The following PDE1A variants were observed in gnomAD, a reference collection of about 807,000 sequenced individuals.
PDE1A encodes dual specificity calcium/calmodulin-dependent 3',5'-cyclic nucleotide phosphodiesterase 1A.
A neutral mutation model predicts 61.7 loss-of-function variants in PDE1A; 35 were observed. That is an observed-to-expected ratio of 0.57 (90% CI 0.43 to 0.75). The LOEUF (loss-of-function observed/expected upper bound fraction) is 0.75. Among genes scored for constraint, PDE1A ranks in the 30% least tolerant of loss-of-function variants. PDE1A has a pLI of 0.00. For synonymous variants in PDE1A, 232 were observed against 213.2 expected (o/e 1.09, Z -0.77); for missense variants, 597 against 630.6 (o/e 0.95, Z 0.57).
intron 1 of PDE1A, among the ~76,000 whole-genome samples, chr2:182,411,273 A>G (rs753175847): frequency 3.4e-4 from 52 of 152,286 alleles, no homozygotes; most frequent in Non-Finnish European, 2.2e-4. Context: ...ATCACACAAT[A>G]TATTTTTTGT....
the PDE1A span, among the ~76,000 whole-genome samples, chr2:182,528,199 G>T: frequency 6.6e-6 from 1 of 152,192 alleles, no homozygotes; most frequent in Non-Finnish European, 1.5e-5. Flanking sequence ...TTGTTAAATG[G>T]CTTTGACCAA....
At chr2:182,175,085 A>G (rs917887506) in intron 13 of PDE1A, among the ~76,000 whole-genome samples, 1 of 152,002 alleles carries the variant, frequency 6.6e-6, no homozygotes, top group African/African-American at 2.4e-5. Flanking sequence ...CATCCTTTTT[A>G]ATGGCTGCAT....
intron 1 of PDE1A, among the ~76,000 whole-genome samples, chr2:182,368,309 A>G (rs554737909): frequency 1.2e-3 from 182 of 152,040 alleles, no homozygotes; most frequent in Admixed American, 2.6e-3. Context: ...ATATTTTCTC[A>G]GTTTCTTAAG....
chr2:182,169,364 C>A (rs1258279865), intron 13 of PDE1A, among the ~76,000 whole-genome samples: 2 of 151,870 alleles, frequency 1.3e-5, no homozygotes, highest in South Asian at 2.1e-4. Flanking sequence ...TATTTGCACA[C>A]AAATGTGGCA....
the PDE1A span, among the ~76,000 whole-genome samples, chr2:182,667,193 T>C: frequency 2.0e-5 from 3 of 152,230 alleles, no homozygotes; most frequent in Non-Finnish European, 2.9e-5. Flanking sequence ...AGCTTTTTAG[T>C]AGGCTGCTCA....
chr2:182,436,512 T>C (rs1432807521), intron 2 of PDE1A, among the ~76,000 whole-genome samples: 1 of 151,940 alleles, frequency 6.6e-6, no homozygotes, highest in Admixed American at 6.6e-5. Context: ...GGAAATCAAG[T>C]CTATCTTAGA....
At chr2:182,466,647 G>T (rs1312439990) in intron 2 of PDE1A, among the ~76,000 whole-genome samples, 1 of 151,988 alleles carries the variant, frequency 6.6e-6, no homozygotes, top group Non-Finnish European at 1.5e-5. Flanking sequence ...TAGACAGAGA[G>T]CTATGTACAC....
At chr2:182,491,341 T>A (rs995753269) in intron 2 of PDE1A, among the ~76,000 whole-genome samples, 2 of 152,192 alleles carry the variant, frequency 1.3e-5, no homozygotes, top group Non-Finnish European at 2.9e-5. Flanking sequence ...TTAGTGAGTA[T>A]GCAAGTGAGG....
chr2:182,520,633 A>T (rs1033368271), intron 2 of PDE1A, among the ~76,000 whole-genome samples: 1 of 151,944 alleles, frequency 6.6e-6, no homozygotes, highest in Non-Finnish European at 1.5e-5. Flanking sequence ...TCACTTTTCA[A>T]ATTTCTTAAA....
intron 2 of PDE1A, among the ~76,000 whole-genome samples, chr2:182,506,830 G>A (rs536651220): frequency 2.2e-4 from 33 of 152,300 alleles, no homozygotes; most frequent in African/African-American, 7.0e-4. Context: ...GGCCTTTCTA[G>A]TGCCTGTTGC....
intron 1 of PDE1A, among the ~76,000 whole-genome samples, chr2:182,370,071 G>A (rs1247280176): frequency 6.6e-6 from 1 of 152,026 alleles, no homozygotes; most frequent in Non-Finnish European, 1.5e-5. Context: ...TAGCTACTCG[G>A]GAGGCTGAGG....
intron 11 of PDE1A, among the ~76,000 whole-genome samples, chr2:182,187,421 C>T (rs753980308): frequency 6.6e-6 from 1 of 152,130 alleles, no homozygotes; most frequent in African/African-American, 2.4e-5. Flanking sequence ...CCCAGGACTG[C>T]TGTGGGTGCC....
intron 1 of PDE1A, among the ~76,000 whole-genome samples, chr2:182,365,088 C>T (rs1395532548): frequency 1.3e-5 from 2 of 151,996 alleles, no homozygotes; most frequent in African/African-American, 4.8e-5. Context: ...AAGGTTCTCC[C>T]TAATTCTAAG....
intron 2 of PDE1A, among the ~76,000 whole-genome samples, chr2:182,499,481 C>T (rs1688958012): frequency 6.6e-6 from 1 of 152,182 alleles, no homozygotes; most frequent in Non-Finnish European, 1.5e-5. Context: ...GCCTTGGCCT[C>T]CCAAAGGGCT....
chr2:182,693,699 T>G, the PDE1A span, among the ~76,000 whole-genome samples: 1 of 149,110 alleles, frequency 6.7e-6, no homozygotes. Flanking sequence ...CAGGTTGGAG[T>G]GCAATGGCGC....
At chr2:182,427,916 G>A (rs903964493), upstream of PDE1A, among the ~76,000 whole-genome samples, 58 of 152,076 alleles carry the variant, frequency 3.8e-4, 1 homozygote, top group African/African-American at 2.2e-4. Context: ...AATGAGTAAC[G>A]TGCATGCCTT....
chr2:182,188,942 ACACT>A lies in PDE1A; in HGVS notation c.1207+33_1207+36del, dbSNP rs777570001. ...TACCCATTTGAAAACTGACAAGCACACACTCACTTTCCACCACCACAAATCATCA... is the reference window on the plus strand; with the variant it reads ...TACCCATTTGAAAACTGACAAGCACACACTTTCCACCACCACAAATCATCA... On this transcript the variant is annotated intron_variant, in intron 11 of 13. Transcript: ENST00000351439. 4 of 1,380,296 alleles carry A rather than the reference ACACT, an allele frequency of 2.9e-6. No homozygotes were observed. The Admixed American group carries it at 6.8e-5, about 23-fold the overall frequency. The allele number at this position is 1,380,296 out of a possible 1,614,324, so 85.5% of individuals were successfully genotyped here.
intron 13 of PDE1A, among the ~76,000 whole-genome samples, chr2:182,178,394 C>T (rs1684460730): frequency 6.6e-6 from 1 of 152,032 alleles, no homozygotes; most frequent in South Asian, 2.1e-4. Flanking sequence ...CCTTACCCTT[C>T]CAGTGACATA....
the PDE1A span, among the ~76,000 whole-genome samples, chr2:182,626,826 CATATATATATACATATATAT>C: frequency 7.3e-4 from 8 of 10,976 alleles, no homozygotes; most frequent in Non-Finnish European, 9.2e-4. Flanking sequence ...TATATATATA[CATATATATATACATATATAT>C]ACATATATAT....
Sources: gnomAD v4.1 joint callset for allele counts (sites outside exome capture counted in the v4.1 genomes callset) on GRCh38, gnomAD v4.1.1 for gene constraint, MANE v1.5 for transcripts, NCBI Gene and HGNC (gene_info 2026-07-23, HGNC 2026-07-21) for gene names.